The following DAB1 variants were observed in gnomAD, a reference collection of about 807,000 sequenced individuals.
DAB1 encodes DAB adaptor protein 1.
A neutral mutation model predicts 64.6 loss-of-function variants in DAB1; 15 were observed. That is an observed-to-expected ratio of 0.23 (90% CI 0.16 to 0.36). DAB1 has a LOEUF of 0.36. Ranked by LOEUF, DAB1 falls within the 10% of genes least tolerant of loss-of-function variation. DAB1 has a pLI of 1.00. For synonymous variants in DAB1, 235 were observed against 251.9 expected, an observed-to-expected ratio of 0.93 and a Z score of 0.64; for missense variants, 596 against 706.7, an observed-to-expected ratio of 0.84 and a Z score of 1.78.
chr1:58,363,843 G>A (rs1205206046), intron 3 of DAB1, among the ~76,000 whole-genome samples: 1 of 150,206 alleles, frequency 6.7e-6, no homozygotes, highest in African/African-American at 2.4e-5. Context: ...TTGCTGCACT[G>A]GGGAGCCTCA....
chr1:57,159,115 T>C (rs938468555), intron 2 of DAB1, among the ~76,000 whole-genome samples: 2 of 151,966 alleles, frequency 1.3e-5, no homozygotes, highest in Admixed American at 1.3e-4. Flanking sequence ...ATTCTTCTGC[T>C]CCAATAGTTG....
intron 6 of DAB1, among the ~76,000 whole-genome samples, chr1:57,786,114 G>A (rs1650325454): frequency 1.3e-5 from 2 of 152,054 alleles, no homozygotes; most frequent in African/African-American, 2.4e-5. Context: ...GAACATTCAC[G>A]GTTTTTAGCA....
At chr1:58,073,599 GT>G (rs1466087297) in intron 5 of DAB1, among the ~76,000 whole-genome samples, 7 of 152,192 alleles carry the variant, frequency 4.6e-5, no homozygotes, top group African/African-American at 1.7e-4. Flanking sequence ...CAGATTAAAT[GT>G]TGACCATATT....
intron 4 of DAB1, among the ~76,000 whole-genome samples, chr1:57,095,763 T>C (rs573274563): frequency 2.2e-4 from 34 of 152,234 alleles, no homozygotes; most frequent in Non-Finnish European, 4.3e-4. Context: ...GGAAGTAAGG[T>C]GGAACCATTC....
At chr1:58,409,203 A>C (rs1246965354) in intron 3 of DAB1, among the ~76,000 whole-genome samples, 1 of 152,136 alleles carries the variant, frequency 6.6e-6, no homozygotes. Flanking sequence ...GGTCTGTTTA[A>C]ATCTAAAGGC....
Position 58,353,962 on chromosome 1 carries a change from C to T in DAB1, n.258-10559G>A, listed in dbSNP as rs1314021401. Among the ~76,000 whole-genome samples the T allele has an allele frequency of 5.3e-5, 8 of 152,086 alleles. No individual in the cohort carries two copies. In the East Asian group the frequency reaches 7.7e-4, roughly 15 times the overall value. ...TGCATTATGCCATTCTACCTCCCTG[C>T]GAAGAAAACAATTCAAAGAACCATT... is the stretch of plus-strand genomic sequence containing the variant. On this transcript the variant is annotated intron_variant and non_coding_transcript_variant, in intron 3 of 20. Coordinates refer to the DAB1 transcript ENST00000485760.
intron 3 of DAB1, among the ~76,000 whole-genome samples, chr1:58,402,062 G>A (rs114376740): frequency 0.01 from 1,527 of 152,324 alleles, 32 homozygotes; most frequent in African/African-American, 0.035. Flanking sequence ...TCCATGCACT[G>A]AGAAAGAGTG....
At chr1:57,263,033 T>G (rs1031267935) in intron 2 of DAB1, among the ~76,000 whole-genome samples, 1 of 152,208 alleles carries the variant, frequency 6.6e-6, no homozygotes, top group African/African-American at 2.4e-5. Context: ...CCAACTAGCA[T>G]CTGTCTCTTA....
rs144670170 is a variant in DAB1, at chr1:57,200,194, G to A, written c.68-54765C>T. 5.1e-4 allele frequency among the ~76,000 whole-genome samples: 77 copies of A among 152,312 alleles called. 2 individuals are homozygous for A. In the East Asian group the frequency reaches 0.014, roughly 29 times the overall value. On this transcript the variant is annotated intron_variant, in intron 2 of 14. Coordinates refer to ENST00000371236, the MANE Select transcript of DAB1 (RefSeq NM_001365792.1). ...CCTTACCATCTTAAGCCTTTTCAGAGATATGGTTCTGTTTCCCTTTAGCCT... is the reference window on the plus strand; with the variant it reads ...CCTTACCATCTTAAGCCTTTTCAGAAATATGGTTCTGTTTCCCTTTAGCCT...
At position 57,560,155 on chromosome 1, in the gene DAB1, C is replaced by G. The variant is rs554710954; in HGVS notation, n.625+89437G>C. Among the ~76,000 whole-genome samples, 6 of 152,380 alleles carry G rather than the reference C, an allele frequency of 3.9e-5. No homozygotes were observed. In the South Asian group the frequency reaches 1.2e-3, roughly 32 times the overall value. ...GTCCATAAGGCCCTCCAGGAGCAAT[C>G]TGCCTTCAGCTGGCAAGGCCAGCAA... On this transcript the variant is annotated intron_variant and non_coding_transcript_variant, in intron 7 of 20. Transcript: ENST00000485760.
chr1:57,861,625 C>A (rs1020654846), intron 1 of DAB1, among the ~76,000 whole-genome samples: 1 of 152,004 alleles, frequency 6.6e-6, no homozygotes, highest in African/African-American at 2.4e-5. Context: ...CCTCTGAACT[C>A]ATTTTTCTAA....
intron 3 of DAB1, among the ~76,000 whole-genome samples, chr1:58,379,019 T>C (rs959442761): frequency 2.0e-5 from 3 of 150,882 alleles, no homozygotes; most frequent in East Asian, 2.0e-4. Flanking sequence ...GGTGAGGCAA[T>C]GCCTCGCCCT....
chr1:58,280,992 T>G (rs567672690), intron 4 of DAB1, among the ~76,000 whole-genome samples: 10 of 152,126 alleles, frequency 6.6e-5, no homozygotes, highest in Non-Finnish European at 1.5e-4. Context: ...GGATGGAGGT[T>G]GGCAGAGAGG....
chr1:57,585,465 C>G (rs1645367726), intron 7 of DAB1, among the ~76,000 whole-genome samples: 1 of 152,088 alleles, frequency 6.6e-6, no homozygotes, highest in Non-Finnish European at 1.5e-5. Context: ...ATTAGAGGCT[C>G]TTGGCAACAT....
At chr1:58,093,965 C>T (rs1650835713) in intron 5 of DAB1, among the ~76,000 whole-genome samples, 1 of 152,106 alleles carries the variant, frequency 6.6e-6, no homozygotes, top group Non-Finnish European at 1.5e-5. Context: ...GTTCCAGGCT[C>T]CTGCATTATT....
chr1:57,713,684 T>C (rs1647051843), intron 6 of DAB1, among the ~76,000 whole-genome samples: 1 of 152,210 alleles, frequency 6.6e-6, no homozygotes, highest in Admixed American at 6.5e-5. Flanking sequence ...CAAAGGAAAG[T>C]AAAATAGAAC....
chr1:57,490,155 A>G (rs1364090648), intron 7 of DAB1, among the ~76,000 whole-genome samples: 1 of 152,228 alleles, frequency 6.6e-6, no homozygotes, highest in East Asian at 1.9e-4. Context: ...AATGGTGAGA[A>G]ATAAATTTCT....
intron 3 of DAB1, among the ~76,000 whole-genome samples, chr1:58,460,925 T>A (rs1390033296): frequency 6.6e-6 from 1 of 152,178 alleles, no homozygotes; most frequent in East Asian, 1.9e-4. Context: ...CCCATGACAC[T>A]CTCACTCCAT....
At chr1:58,003,829 T>A (rs144296410) in intron 5 of DAB1, among the ~76,000 whole-genome samples, 6 of 152,342 alleles carry the variant, frequency 3.9e-5, no homozygotes, top group Admixed American at 6.5e-5. Context: ...CGGCCCCTTC[T>A]CAGAGTAGCT....
Sources: allele counts gnomAD v4.1 joint callset (sites outside exome capture counted in the v4.1 genomes callset), GRCh38; gene constraint gnomAD v4.1.1; transcripts MANE v1.5; gene names NCBI Gene and HGNC (gene_info 2026-07-23, HGNC 2026-07-21).